PDE7B: variants seen among roughly 807,000 people sequenced by gnomAD.
PDE7B encodes the protein phosphodiesterase 7B.
Under a neutral mutation model 56.2 loss-of-function variants are expected in PDE7B, and 29 were observed. That is an observed-to-expected ratio of 0.52 (90% CI 0.38 to 0.70). The LOEUF is 0.70. Among genes scored for constraint, PDE7B ranks in the 30% least tolerant of loss-of-function variants. The pLI is 0.00. For missense variants in PDE7B, 490 were observed against 565.0 expected (o/e 0.87, Z 1.35); for synonymous variants, 197 against 196.9 (o/e 1.00, Z 0.00).
intron 1 of PDE7B, among the ~76,000 whole-genome samples, chr6:135,859,045 G>C (rs1315677131): frequency 6.6e-6 from 1 of 150,480 alleles, no homozygotes; most frequent in Non-Finnish European, 1.5e-5. Context: ...TACATTTCTT[G>C]GTTTTCCAGG....
chr6:135,985,353 G>A (rs781694216), intron 2 of PDE7B, among the ~76,000 whole-genome samples: 2 of 152,190 alleles, frequency 1.3e-5, no homozygotes, highest in African/African-American at 4.8e-5. Flanking sequence ...GGTTGGATAG[G>A]ACAAGGCAAC....
intron 2 of PDE7B, among the ~76,000 whole-genome samples, chr6:135,973,061 C>T (rs13197144): frequency 6.4e-4 from 97 of 152,286 alleles, no homozygotes; most frequent in South Asian, 2.7e-3. Context: ...CAATGTTTTA[C>T]AGCAGATATC....
At chr6:136,187,156 G>C (rs779247020) in intron 12 of PDE7B, 40 bp downstream of exon 12, 1 of 971,610 alleles carries the variant, frequency 1.0e-6, no homozygotes, top group East Asian at 2.4e-5. Context: ...AAATACCTTT[G>C]GCACATCTCA....
At chr6:136,132,520 T>C (rs968056961) in intron 3 of PDE7B, among the ~76,000 whole-genome samples, 3 of 152,186 alleles carry the variant, frequency 2.0e-5, no homozygotes, top group African/African-American at 7.2e-5. Context: ...CAAACTCATT[T>C]CTTCATCTGT....
At chr6:136,057,168 G>A (rs1776751365) in intron 2 of PDE7B, among the ~76,000 whole-genome samples, 2 of 152,138 alleles carry the variant, frequency 1.3e-5, no homozygotes, top group South Asian at 4.1e-4. Flanking sequence ...ACATGCTAAT[G>A]GTTATTATCC....
At chr6:136,095,553 A>G (rs992669064) in intron 2 of PDE7B, among the ~76,000 whole-genome samples, 1 of 152,202 alleles carries the variant, frequency 6.6e-6, no homozygotes, top group Non-Finnish European at 1.5e-5. Flanking sequence ...GAGGGAATGG[A>G]TCACTTTTCA....
At chr6:136,119,939 C>T (rs1777902285) in intron 3 of PDE7B, among the ~76,000 whole-genome samples, 1 of 152,260 alleles carries the variant, frequency 6.6e-6, no homozygotes, top group South Asian at 2.1e-4. Flanking sequence ...GAGCCGGCTG[C>T]CTGGGTTTAG....
At chr6:136,006,451 T>A (rs555546487) in intron 2 of PDE7B, among the ~76,000 whole-genome samples, 6 of 152,276 alleles carry the variant, frequency 3.9e-5, no homozygotes, top group Non-Finnish European at 7.4e-5. Context: ...CTGTGAAGAA[T>A]GTCATTTGTA....
At chr6:136,125,691 A>T (rs1455253660) in intron 3 of PDE7B, among the ~76,000 whole-genome samples, 1 of 152,198 alleles carries the variant, frequency 6.6e-6, no homozygotes, top group Non-Finnish European at 1.5e-5. Context: ...ACCCTACTAA[A>T]GGCAAGAGCA....
chr6:135,983,422 T>C (rs180776005), intron 2 of PDE7B, among the ~76,000 whole-genome samples: 4 of 152,292 alleles, frequency 2.6e-5, no homozygotes, highest in Admixed American at 6.5e-5. Context: ...CAGTTGAGTA[T>C]TTTCATAAAG....
At chr6:136,014,741 A>G in intron 2 of PDE7B, among the ~76,000 whole-genome samples, 1 of 152,236 alleles carries the variant, frequency 6.6e-6, no homozygotes, top group South Asian at 2.1e-4. Context: ...AAAATTACAC[A>G]TAAAATGAAA....
At chr6:135,917,604 G>GT (rs767072451) in intron 1 of PDE7B, among the ~76,000 whole-genome samples, 1,747 of 144,458 alleles carry the variant, frequency 0.012, 34 homozygotes, top group African/African-American at 0.039. Context: ...ATTTGTTGTT[G>GT]TTTTTTTTTT....
chr6:136,018,893 G>A (rs902086686), intron 2 of PDE7B, among the ~76,000 whole-genome samples: 1 of 151,956 alleles, frequency 6.6e-6, no homozygotes, highest in Non-Finnish European at 1.5e-5. Context: ...GGCTTAGCCT[G>A]TGTTTTAACT....
chr6:135,943,470 A>C (rs1774541445), intron 1 of PDE7B, among the ~76,000 whole-genome samples: 1 of 152,238 alleles, frequency 6.6e-6, no homozygotes, highest in South Asian at 2.1e-4. Flanking sequence ...TGGCCAAGGC[A>C]ATGAGCAGGT....
chr6:136,150,206 A>C (rs982334048), intron 5 of PDE7B, among the ~76,000 whole-genome samples: 1 of 152,230 alleles, frequency 6.6e-6, no homozygotes, highest in African/African-American at 2.4e-5. Flanking sequence ...TATATGAAGT[A>C]TATACCACAC....
chr6:136,163,169 T>A (rs759551483), intron 8 of PDE7B, among the ~76,000 whole-genome samples: 16 of 152,234 alleles, frequency 1.1e-4, no homozygotes, highest in Non-Finnish European at 1.8e-4. Context: ...AGCAGAGGTT[T>A]TCCATGAGGG....
intron 2 of PDE7B, among the ~76,000 whole-genome samples, chr6:136,020,697 T>C (rs1263842769): frequency 1.3e-5 from 2 of 152,222 alleles, no homozygotes; most frequent in African/African-American, 4.8e-5. Flanking sequence ...CTGTTTGCTA[T>C]GGTCTCTAAA....
At chr6:136,050,940 G>T (rs1210078055) in intron 2 of PDE7B, among the ~76,000 whole-genome samples, 1 of 151,974 alleles carries the variant, frequency 6.6e-6, no homozygotes, top group African/African-American at 2.4e-5. Flanking sequence ...ACGCTTCCCA[G>T]GCTGCCTGCT....
At chr6:135,860,097 T>A (rs1775117335) in intron 1 of PDE7B, among the ~76,000 whole-genome samples, 1 of 152,050 alleles carries the variant, frequency 6.6e-6, no homozygotes, top group South Asian at 2.1e-4. Context: ...ATTTCTGGCT[T>A]TCCTATGTAA....
Sources: allele counts gnomAD v4.1 joint callset (sites outside exome capture counted in the v4.1 genomes callset), GRCh38; gene constraint gnomAD v4.1.1; transcripts MANE v1.5; gene names NCBI Gene and HGNC (gene_info 2026-07-23, HGNC 2026-07-21).